The following SDCCAG8 variants were observed in gnomAD, a reference collection of about 807,000 sequenced individuals.
SDCCAG8 encodes SHH signaling and ciliogenesis regulator SDCCAG8.
SDCCAG8 carries 74 observed loss-of-function variants against 101.8 expected under a neutral mutation model. That is an observed-to-expected ratio of 0.73 (90% CI 0.60 to 0.88). SDCCAG8 has a LOEUF of 0.88. Among genes scored for constraint, SDCCAG8 ranks in the 40% least tolerant of loss-of-function variants. The probability of loss-of-function intolerance (pLI) is 0.00; values close to 1 mark genes in which losing one functional copy is unlikely to be tolerated. For synonymous variants in SDCCAG8, 281 were observed against 292.9 expected, an observed-to-expected ratio of 0.96 and a Z score of 0.41; for missense variants, 787 against 822.6, an observed-to-expected ratio of 0.96 and a Z score of 0.53.
intron 16 of SDCCAG8, among the ~76,000 whole-genome samples, chr1:243,434,496 T>G (rs1160216128): frequency 6.6e-6 from 1 of 152,238 alleles, no homozygotes; most frequent in African/African-American, 2.4e-5. Context: ...ACATCTTGTT[T>G]TGAAATGTTC....
chr1:243,288,828 G>T (rs2069900702), intron 5 of SDCCAG8, among the ~76,000 whole-genome samples: 1 of 151,954 alleles, frequency 6.6e-6, no homozygotes. Context: ...CTAACATGGT[G>T]AAACCCAACT....
chr1:243,445,267 C>G lies in SDCCAG8; in HGVS notation c.1985+18709C>G, dbSNP rs568787349. On this transcript the variant is annotated intron_variant, in intron 16 of 17. Coordinates refer to ENST00000366541, the MANE Select transcript of SDCCAG8 (RefSeq NM_006642.5). ...CCAACTTCACCTCTTGTCGTCTACTCCCACCCTCCATTCCCATCCCCATCC... is the reference window on the plus strand; with the variant it reads ...CCAACTTCACCTCTTGTCGTCTACTGCCACCCTCCATTCCCATCCCCATCC... Among the ~76,000 whole-genome samples, 164 of 152,244 alleles carry G rather than the reference C, an allele frequency of 1.1e-3. 1 individual carries two copies. The highest frequency in any genetic ancestry group is 3.6e-3 in the African/African-American group (149 of 41,542).
intron 6 of SDCCAG8, among the ~76,000 whole-genome samples, chr1:243,296,368 T>TG (rs1290777399): frequency 6.6e-6 from 1 of 152,152 alleles, no homozygotes; most frequent in East Asian, 1.9e-4. Flanking sequence ...TATATTCTCC[T>TG]GACCCTACAT....
At chr1:243,361,669 CA>C (rs2076718046) in intron 12 of SDCCAG8, among the ~76,000 whole-genome samples, 1 of 152,172 alleles carries the variant, frequency 6.6e-6, no homozygotes. Flanking sequence ...GGCCTTTGGA[CA>C]AACATCTTCC....
rs575678608 is a variant in SDCCAG8, at chr1:243,356,866, C to T, written c.1473+12535C>T. ...TCAAAAAATTACCCAGGTATGGTGT[C>T]ATGTGCCTGTAGTTCCAGCTACATG... On this transcript the variant is annotated intron_variant, in intron 12 of 17. Coordinates refer to ENST00000366541, the MANE Select transcript of SDCCAG8 (RefSeq NM_006642.5). Among the ~76,000 whole-genome samples the T allele has an allele frequency of 4.6e-5, 7 of 152,154 alleles. 1 individual carries two copies. The South Asian group carries it at 1.5e-3, about 32-fold the overall frequency.
At chr1:243,423,421 C>T (rs751040105) in intron 15 of SDCCAG8, among the ~76,000 whole-genome samples, 7 of 151,974 alleles carry the variant, frequency 4.6e-5, no homozygotes, top group Non-Finnish European at 5.9e-5. Context: ...TACAGTTTTG[C>T]GTCTGCTTTT....
intron 16 of SDCCAG8, among the ~76,000 whole-genome samples, chr1:243,429,829 G>A (rs1259868641): frequency 1.3e-5 from 2 of 151,464 alleles, no homozygotes; most frequent in African/African-American, 2.4e-5. Context: ...AGCCTCCGGA[G>A]TAGCTGGGAT....
rs1163325334 is a variant in SDCCAG8, at chr1:243,308,004, A to G, written c.756A>G (p.Glu252=). The G allele has an allele frequency of 6.2e-6, 10 of 1,613,922 alleles. No individual in the cohort carries two copies. The highest frequency in any genetic ancestry group is 1.6e-4 in the Middle Eastern group (1 of 6,084). Residue 252 remains glutamate, a synonymous_variant, in exon 8 of 18, where the codon GAA becomes GAG. Coordinates refer to ENST00000366541, the MANE Select transcript of SDCCAG8 (RefSeq NM_006642.5). The part of the protein sequence containing the change: ...QLKFLRNDLA[E]YQRTCEDLKE... ...CTCTTTTTAGGAACGACTTAGCTGA[A>G]TATCAGAGAACTTGTGAAGATCTTA...
At chr1:243,259,012 T>C (rs2066982086) in intron 1 of SDCCAG8, among the ~76,000 whole-genome samples, 1 of 152,236 alleles carries the variant, frequency 6.6e-6, no homozygotes, top group South Asian at 2.1e-4. Flanking sequence ...TAGTCACTAC[T>C]AATATCCCTT....
intron 13 of SDCCAG8, among the ~76,000 whole-genome samples, chr1:243,393,329 G>A (rs1160084471): frequency 6.6e-6 from 1 of 152,046 alleles, no homozygotes. Context: ...CAGGGGAGGG[G>A]CTCCTTAGCA....
At chr1:243,308,783 A>C (rs2072423541) in intron 8 of SDCCAG8, among the ~76,000 whole-genome samples, 1 of 152,358 alleles carries the variant, frequency 6.6e-6, no homozygotes, top group Middle Eastern at 3.4e-3. Context: ...TCACTATTCC[A>C]GAGGAGGCCT....
At chr1:243,495,190 A>G (rs576898873) in intron 17 of SDCCAG8, among the ~76,000 whole-genome samples, 2 of 152,336 alleles carry the variant, frequency 1.3e-5, no homozygotes, top group African/African-American at 4.8e-5. Flanking sequence ...GGCACCGCAG[A>G]GCCAGGGCCT....
intron 13 of SDCCAG8, among the ~76,000 whole-genome samples, chr1:243,414,632 C>T (rs1368668538): frequency 6.6e-6 from 1 of 152,144 alleles, no homozygotes; most frequent in Admixed American, 6.5e-5. Context: ...TGAAGTTCCA[C>T]AGCGGTACAT....
At chr1:243,446,243 T>G (rs1306196993) in intron 16 of SDCCAG8, among the ~76,000 whole-genome samples, 2 of 152,230 alleles carry the variant, frequency 1.3e-5, no homozygotes, top group East Asian at 3.8e-4. Flanking sequence ...GAATGTGCAT[T>G]GCATTCTCCA....
intron 16 of SDCCAG8, among the ~76,000 whole-genome samples, chr1:243,427,628 A>G (rs1018349916): frequency 5.3e-5 from 8 of 152,132 alleles, no homozygotes; most frequent in African/African-American, 1.4e-4. Context: ...GAAGGAAATG[A>G]AAATATTTAT....
chr1:243,466,083 T>C (rs1660086909), intron 16 of SDCCAG8, among the ~76,000 whole-genome samples: 1 of 152,232 alleles, frequency 6.6e-6, no homozygotes, highest in Non-Finnish European at 1.5e-5. Flanking sequence ...CGCTATGAGC[T>C]AGTCTTTGCT....
intron 16 of SDCCAG8, among the ~76,000 whole-genome samples, chr1:243,427,124 C>A (rs900574901): frequency 5.3e-5 from 8 of 152,082 alleles, no homozygotes; most frequent in Admixed American, 3.3e-4. Context: ...ATGGAAAGAT[C>A]AAATATAATA....
At chr1:243,346,621 G>C (rs1283404268) in intron 12 of SDCCAG8, among the ~76,000 whole-genome samples, 2 of 152,182 alleles carry the variant, frequency 1.3e-5, no homozygotes, top group African/African-American at 4.8e-5. Flanking sequence ...TAATTAGAAG[G>C]AAAGGTTAGG....
At chr1:243,498,617 T>TAAAC (rs767031137) in intron 17 of SDCCAG8, among the ~76,000 whole-genome samples, 2 of 152,382 alleles carry the variant, frequency 1.3e-5, no homozygotes, top group East Asian at 1.9e-4. Context: ...ACTTGAAATG[T>TAAAC]AAACATTACT....
Sources: allele counts gnomAD v4.1 joint callset (sites outside exome capture counted in the v4.1 genomes callset), GRCh38; gene constraint gnomAD v4.1.1; transcripts MANE v1.5; gene names NCBI Gene and HGNC (gene_info 2026-07-23, HGNC 2026-07-21).